LPCAT2: variants seen among roughly 807,000 people sequenced by gnomAD.
LPCAT2 encodes lysophosphatidylcholine acyltransferase 2.
A neutral mutation model predicts 64.7 loss-of-function variants in LPCAT2; 58 were observed. That is an observed-to-expected ratio of 0.90 (90% CI 0.73 to 1.12). LPCAT2 has a LOEUF of 1.12. LPCAT2 is among the 50% of genes most tolerant of loss of function. The pLI, the probability that LPCAT2 is intolerant of heterozygous loss-of-function variation, is 0.00. For missense variants in LPCAT2, 579 were observed against 669.8 expected (o/e 0.86, Z 1.50); for synonymous variants, 252 against 245.3 (o/e 1.03, Z -0.26).
chr16:55,535,476 A>T (rs1191519109), intron 7 of LPCAT2, among the ~76,000 whole-genome samples: 1 of 152,222 alleles, frequency 6.6e-6, no homozygotes, highest in African/African-American at 2.4e-5. Flanking sequence ...TATTCTTGTT[A>T]TGCTTCAGTC....
At chr16:55,520,130 A>G (rs971939401) in intron 1 of LPCAT2, among the ~76,000 whole-genome samples, 6 of 152,292 alleles carry the variant, frequency 3.9e-5, no homozygotes, top group Middle Eastern at 6.8e-3. Flanking sequence ...AAAGAATAAG[A>G]CCCAGCTATA....
intron 11 of LPCAT2, among the ~76,000 whole-genome samples, chr16:55,560,437 T>C (rs1963623223): frequency 6.6e-6 from 1 of 152,060 alleles, no homozygotes; most frequent in Admixed American, 6.6e-5. Context: ...ACATACTTAA[T>C]AGGTTGCAGT....
intron 11 of LPCAT2, among the ~76,000 whole-genome samples, chr16:55,561,376 T>TTTC (rs1431053115): frequency 6.6e-6 from 1 of 150,760 alleles, no homozygotes; most frequent in African/African-American, 2.4e-5. Context: ...TATACTTTTT[T>TTTC]TTTTTTTTTG....
Position 55,584,815 on chromosome 16 carries a change from A to G in LPCAT2, c.*1717A>G, listed in dbSNP as rs902739091. 7.9e-5 allele frequency: 12 copies of G among 152,326 alleles called. No homozygotes were observed. The highest frequency in any genetic ancestry group is 1.5e-4 in the Non-Finnish European group (10 of 68,010). 9.4% of individuals were successfully genotyped at this position (152,326 alleles called of 1,614,324 possible). On this transcript the variant is annotated 3_prime_UTR_variant, in exon 14 of 14. Coordinates refer to ENST00000262134, the MANE Select transcript of LPCAT2 (RefSeq NM_017839.5). Reference sequence around the variant, plus strand: ...TAAATATCTGAAAATTTTATCCTTAAGTATATATAATTATTTGCCTCTTAT... The same window carrying G: ...TAAATATCTGAAAATTTTATCCTTAGGTATATATAATTATTTGCCTCTTAT...
chr16:55,568,299 A>G (rs1174815304), intron 11 of LPCAT2, among the ~76,000 whole-genome samples: 2 of 152,238 alleles, frequency 1.3e-5, no homozygotes, highest in Non-Finnish European at 2.9e-5. Context: ...ATACAAAATC[A>G]GGCATGCCCT....
In LPCAT2 at chr16:55,529,422, T is replaced by A. The variant is rs572725214; in HGVS notation, c.530-413T>A. 5.9e-5 allele frequency among the ~76,000 whole-genome samples: 9 copies of A among 152,254 alleles called. No homozygotes were observed. In the East Asian group the frequency reaches 1.3e-3, roughly 23 times the overall value. The stretch of plus-strand genomic sequence containing the variant: ...TTTTTCGTGTGTTAGGAAGCTATTT[T>A]AAAAAAATGTTCTACTGAAAATTGC... On this transcript the variant is annotated intron_variant, in intron 3 of 13. Coordinates refer to ENST00000262134, the MANE Select transcript of LPCAT2 (RefSeq NM_017839.5).
rs116923963 is a variant in LPCAT2 at position 55,511,396 on chromosome 16, T to C, written c.171+2044T>C. On this transcript the variant is annotated intron_variant, in intron 1 of 13. Coordinates refer to ENST00000262134, the MANE Select transcript of LPCAT2 (RefSeq NM_017839.5). ...TGGTAGAAAAACAATGTCCATATTA[T>C]CCAGTTTAAAAGGTGGACACACTTT... Among the ~76,000 whole-genome samples the C allele has an allele frequency of 2.7e-3, 416 of 152,274 alleles. 10 individuals carry two copies. In the South Asian group the frequency reaches 0.05, roughly 18 times the overall value.
intron 11 of LPCAT2, among the ~76,000 whole-genome samples, chr16:55,569,932 T>C (rs985117555): frequency 3.3e-5 from 5 of 152,242 alleles, no homozygotes; most frequent in Non-Finnish European, 7.3e-5. Context: ...TTTTTAAAAA[T>C]TTGCCTGCTC....
chr16:55,579,237 T>G lies in LPCAT2; in HGVS notation c.1443T>G (p.Ile481Met). 6.2e-7 allele frequency: 1 copy of G among 1,612,668 alleles called. No homozygotes were observed. Among genetic ancestry groups the G allele is most frequent in the Non-Finnish European group, 8.5e-7 (1 of 1,179,310 alleles). The stretch of plus-strand genomic sequence containing the variant: ...AGGAAATAGCCCAAGGGGACTCAAT[T>G]TCCTATGGTGAGTAGGCAATCTGGC... ...LFKEIAQGDS[I>M]SYEEFKSFAL... Residue 481 changes from isoleucine (I) to methionine (M), a missense_variant, in exon 13 of 14, where the codon ATT becomes ATG. Coordinates refer to ENST00000262134, the MANE Select transcript of LPCAT2 (RefSeq NM_017839.5).
chr16:55,544,031 A>T (rs867647237), intron 8 of LPCAT2, among the ~76,000 whole-genome samples: 2 of 152,248 alleles, frequency 1.3e-5, no homozygotes, highest in Middle Eastern at 3.4e-3. Flanking sequence ...TCAAGGTCTT[A>T]TTATCTCTCC....
At chr16:55,566,733 G>A (rs771824489) in intron 11 of LPCAT2, 25 of 1,584,326 alleles carry the variant, frequency 1.6e-5, no homozygotes, top group Non-Finnish European at 1.9e-5. Context: ...GATTGCTGCC[G>A]CATTTGCTTG....
At chr16:55,546,975 C>T (rs1404277125) in intron 9 of LPCAT2, among the ~76,000 whole-genome samples, 1 of 151,840 alleles carries the variant, frequency 6.6e-6, no homozygotes, top group African/African-American at 2.4e-5. Context: ...GGTGAAACCC[C>T]GTCTCTATTA....
rs1052279085 is a variant in LPCAT2 at position 55,545,773 on chromosome 16, T to C, written c.891T>C (p.Asn297=). The C allele has an allele frequency of 1.2e-6, 2 of 1,613,326 alleles. No homozygotes were observed. Among genetic ancestry groups the C allele is most frequent in the Admixed American group, 3.3e-5 (2 of 59,910 alleles). The change falls in exon 9 of 14, where the codon AAT becomes AAC. Residue 297 remains asparagine (N), a synonymous_variant. Transcript: ENST00000262134. ...AAGTACCAAATGATGAAGAAAAAAA[T>C]GATCCTGTCCTTTTTGCCAATAAAG... ...PVQVPNDEEK[N]DPVLFANKVR...
Position 55,537,604 on chromosome 16 carries a change from G to A in LPCAT2, c.824G>A (p.Cys275Tyr), listed in dbSNP as rs1963340244. ...ATTCAGCTTTGTATGCTTACTTTCT[G>A]CCAGCTCTTCACAAAGGTAGAAGTT... ...TFIQLCMLTF[C>Y]QLFTKVEVEF... Residue 275 changes from cysteine (C) to tyrosine (Y), a missense_variant, in exon 8 of 14, where the codon TGC becomes TAC. Transcript: ENST00000262134. 6.2e-7 allele frequency: 1 copy of A among 1,612,958 alleles called. No individual in the cohort carries two copies. The highest frequency in any genetic ancestry group is 1.3e-5 in the African/African-American group (1 of 74,806).
Position 55,539,072 on chromosome 16 carries a change from T to C in LPCAT2, c.852+1440T>C, listed in dbSNP as rs532614491. The C allele has an allele frequency of 4.6e-5, 7 of 152,294 alleles. No homozygotes were observed. The East Asian group carries it at 1.2e-3, about 25-fold the overall frequency. The allele number at this position is 152,294 out of a possible 1,614,324, so 9.4% of individuals were successfully genotyped here. ...AAGATATTGTCTCTTCCTCTCAATG[T>C]ACCCCTCTGTAGCTAAAACAAGATC... On this transcript the variant is annotated intron_variant, in intron 8 of 13. Transcript: ENST00000262134.
chr16:55,556,640 G>A (rs200951663), intron 11 of LPCAT2, among the ~76,000 whole-genome samples: 10 of 152,120 alleles, frequency 6.6e-5, no homozygotes, highest in Non-Finnish European at 1.0e-4. Context: ...TTAGGTGGGC[G>A]TGGTGGCTGA....
At chr16:55,510,625 A>T (rs1272841258) in intron 1 of LPCAT2, among the ~76,000 whole-genome samples, 4 of 152,178 alleles carry the variant, frequency 2.6e-5, no homozygotes, top group Admixed American at 1.3e-4. Context: ...GAGTAATGGT[A>T]GATGGGTGTC....
intron 7 of LPCAT2, among the ~76,000 whole-genome samples, chr16:55,536,330 T>A (rs1963324087): frequency 6.6e-6 from 1 of 152,192 alleles, no homozygotes; most frequent in South Asian, 2.1e-4. Context: ...ACAGGTTAAA[T>A]GAGATTTTAT....
At chr16:55,542,194 G>A (rs1300686445) in intron 8 of LPCAT2, among the ~76,000 whole-genome samples, 1 of 152,090 alleles carries the variant, frequency 6.6e-6, no homozygotes, top group Admixed American at 6.6e-5. Context: ...TATATTGCTT[G>A]TATGCTAAGG....
Sources: gnomAD v4.1 joint callset for allele counts (sites outside exome capture counted in the v4.1 genomes callset) on GRCh38, gnomAD v4.1.1 for gene constraint, MANE v1.5 for transcripts, NCBI Gene and HGNC (gene_info 2026-07-23, HGNC 2026-07-21) for gene names.